The following CALCRL variants were observed in gnomAD, a reference collection of about 807,000 sequenced individuals.
The protein encoded by CALCRL is calcitonin gene-related peptide type 1 receptor.
In CALCRL, 27 loss-of-function variants were observed where a neutral mutation model predicts 60.4. That is an observed-to-expected ratio of 0.45 (90% CI 0.33 to 0.62). The LOEUF (loss-of-function observed/expected upper bound fraction) is 0.62, where lower values mean the gene tolerates loss of function less well. Among genes scored for constraint, CALCRL ranks in the 20% least tolerant of loss-of-function variants. The pLI, the probability that CALCRL is intolerant of heterozygous loss-of-function variation, is 0.03. For missense variants in CALCRL, 424 were observed against 540.7 expected (o/e 0.78, Z 2.14); for synonymous variants, 190 against 182.6 (o/e 1.04, Z -0.33).
intron 1 of CALCRL, among the ~76,000 whole-genome samples, chr2:187,429,165 A>G (rs1017219755): frequency 2.0e-5 from 3 of 152,046 alleles, no homozygotes; most frequent in Non-Finnish European, 4.4e-5. Context: ...CTAGCCAGAG[A>G]CATTTCCCTT....
At chr2:187,441,144 G>A (rs115818522) in intron 1 of CALCRL, among the ~76,000 whole-genome samples, 2,072 of 151,986 alleles carry the variant, frequency 0.014, 21 homozygotes, top group Non-Finnish European at 0.016. Context: ...CAATTGAAAG[G>A]GAGATATTTC....
In CALCRL at chr2:187,416,348, CAG is replaced by C. The variant is rs371745546; in HGVS notation, c.-292-28594_-292-28593del. 9.3e-3 allele frequency among the ~76,000 whole-genome samples: 1,417 copies of C among 152,228 alleles called. 12 individuals carry two copies. The highest frequency in any genetic ancestry group is 0.013 in the Non-Finnish European group (913 of 68,010). The stretch of plus-strand genomic sequence containing the variant: ...CTAAAATTTTTCATCTTGAATGATA[CAG>C]AGTTACCACGTCATACTGAATGACA... On this transcript the variant is annotated intron_variant, in intron 1 of 14. Coordinates refer to ENST00000392370, the MANE Select transcript of CALCRL (RefSeq NM_005795.6).
chr2:187,385,924 A>C (rs1348543962), intron 3 of CALCRL, among the ~76,000 whole-genome samples: 1 of 152,006 alleles, frequency 6.6e-6, no homozygotes, highest in East Asian at 1.9e-4. Context: ...TAATTTTTGT[A>C]TTTATAGTAG....
chr2:187,366,103 C>T (rs1687266135), intron 8 of CALCRL, among the ~76,000 whole-genome samples: 1 of 150,330 alleles, frequency 6.7e-6, no homozygotes, highest in Non-Finnish European at 1.5e-5. Context: ...ATTAGCCGGG[C>T]GCGGTGGCGG....
intron 1 of CALCRL, among the ~76,000 whole-genome samples, chr2:187,434,913 A>G (rs577136703): frequency 6.6e-6 from 1 of 152,164 alleles, no homozygotes; most frequent in East Asian, 1.9e-4. Context: ...AAATAAAGTA[A>G]TAGTTTGCCC....
chr2:187,408,271 A>G (rs934048222), intron 1 of CALCRL, among the ~76,000 whole-genome samples: 1 of 152,042 alleles, frequency 6.6e-6, no homozygotes, highest in South Asian at 2.1e-4. Context: ...TTTCATGTTT[A>G]TTTATATATT....
At chr2:187,426,957 G>A (rs1690166552) in intron 1 of CALCRL, among the ~76,000 whole-genome samples, 1 of 152,122 alleles carries the variant, frequency 6.6e-6, no homozygotes, top group Non-Finnish European at 1.5e-5. Flanking sequence ...GAAAGGGGAA[G>A]CTCACATGTC....
intron 1 of CALCRL, among the ~76,000 whole-genome samples, chr2:187,419,621 A>AT (rs1217821414): frequency 6.6e-6 from 1 of 152,240 alleles, no homozygotes; most frequent in African/African-American, 2.4e-5. Context: ...TATAAGTGGA[A>AT]TTTTTTAAAT....
chr2:187,364,480 T>A (rs187719951), intron 8 of CALCRL, among the ~76,000 whole-genome samples: 4,233 of 152,062 alleles, frequency 0.028, 82 homozygotes, highest in African/African-American at 0.05. Context: ...GTTTTTTTTT[T>A]AAATATGCTA....
At chr2:187,412,409 T>C (rs573920534) in intron 1 of CALCRL, among the ~76,000 whole-genome samples, 85 of 152,324 alleles carry the variant, frequency 5.6e-4, no homozygotes, top group African/African-American at 2.0e-3. Context: ...AGTCTCATTA[T>C]GGCATCTGAC....
chr2:187,375,865 C>G (rs1687736262), intron 8 of CALCRL, among the ~76,000 whole-genome samples: 1 of 152,052 alleles, frequency 6.6e-6, no homozygotes, highest in South Asian at 2.1e-4. Context: ...TTGTGAATAT[C>G]AGTTGAACAG....
Position 187,346,141 on chromosome 2 carries a change from G to T in CALCRL, c.*43C>A. 1 of 1,304,598 alleles carries T rather than the reference G, an allele frequency of 7.7e-7. No individual in the cohort carries two copies. The highest frequency in any genetic ancestry group is 1.1e-6 in the Non-Finnish European group (1 of 924,544). The allele number at this position is 1,304,598 out of a possible 1,614,324, so 80.8% of individuals were successfully genotyped here. A position where few individuals can be genotyped will look rare whatever the true frequency, so the allele number is the denominator to read the frequency against. On this transcript the variant is annotated 3_prime_UTR_variant, in exon 15 of 15. Coordinates refer to ENST00000392370, the MANE Select transcript of CALCRL (RefSeq NM_005795.6). The stretch of plus-strand genomic sequence containing the variant: ...CAGAGTCATGGGTCCAAGTCCTTGA[G>T]TTAGGAGAAGCACAAAACAGTGAGA...
intron 1 of CALCRL, among the ~76,000 whole-genome samples, chr2:187,446,755 C>T (rs999200538): frequency 6.6e-6 from 1 of 151,676 alleles, no homozygotes; most frequent in South Asian, 2.1e-4. Context: ...AGAAATCAGC[C>T]ATGATACTCT....
At chr2:187,388,777 G>A (rs1688309970) in intron 1 of CALCRL, among the ~76,000 whole-genome samples, 1 of 151,348 alleles carries the variant, frequency 6.6e-6, no homozygotes, top group South Asian at 2.1e-4. Context: ...TTATAATTAT[G>A]CATTTTGCAA....
chr2:187,380,808 T>A (rs1020083134), intron 5 of CALCRL, 21 bp from the exon 6 acceptor site: 3 of 1,568,010 alleles, frequency 1.9e-6, no homozygotes, highest in African/African-American at 2.7e-5. Flanking sequence ...AAATAATAAT[T>A]GGGGATAATT....
At position 187,427,960 on chromosome 2, in the gene CALCRL, T is replaced by A. The variant is rs575561651; in HGVS notation, c.-293+20079A>T. 2.6e-4 allele frequency among the ~76,000 whole-genome samples: 40 copies of A among 152,266 alleles called. No individual in the cohort carries two copies. The South Asian group carries it at 7.7e-3, about 29-fold the overall frequency. ...TCTCCCATATCTGCTATCATGTAAATCTTTAATGAAGTCTACTGTCTGTGT... is the reference window on the plus strand; with the variant it reads ...TCTCCCATATCTGCTATCATGTAAAACTTTAATGAAGTCTACTGTCTGTGT... On this transcript the variant is annotated intron_variant, in intron 1 of 14. Transcript: ENST00000392370.
At chr2:187,362,369 A>G (rs1265253041) in intron 9 of CALCRL, among the ~76,000 whole-genome samples, 1 of 152,026 alleles carries the variant, frequency 6.6e-6, no homozygotes, top group Non-Finnish European at 1.5e-5. Flanking sequence ...TTCTAATCCA[A>G]TGACTTTAGA....
chr2:187,391,996 T>C (rs1024770066), intron 1 of CALCRL, among the ~76,000 whole-genome samples: 3 of 152,126 alleles, frequency 2.0e-5, no homozygotes, highest in Non-Finnish European at 4.4e-5. Context: ...GCATGTTTTA[T>C]TGTACATAAG....
chr2:187,359,017 A>C, intron 12 of CALCRL, 46 bp downstream of exon 12: 1 of 1,451,062 alleles, frequency 6.9e-7, no homozygotes, highest in Non-Finnish European at 9.7e-7. Flanking sequence ...TCAGAAATAA[A>C]GTTGAAATGT....
Sources: allele counts gnomAD v4.1 joint callset (sites outside exome capture counted in the v4.1 genomes callset), GRCh38; gene constraint gnomAD v4.1.1; transcripts MANE v1.5; gene names NCBI Gene and HGNC (gene_info 2026-07-23, HGNC 2026-07-21).